The following AGMO variants were observed in gnomAD, a reference collection of about 807,000 sequenced individuals.
AGMO encodes the protein glyceryl-ether monooxygenase.
A neutral mutation model predicts 60.2 loss-of-function variants in AGMO; 75 were observed. That is an observed-to-expected ratio of 1.25 (90% confidence interval 1.03 to 1.51). The LOEUF (loss-of-function observed/expected upper bound fraction) is 1.51, where lower values mean the gene tolerates loss of function less well. Ranked by LOEUF, AGMO falls within the 40% of genes most tolerant of loss-of-function variation. The pLI is 0.00. For missense variants in AGMO, 763 were observed against 525.5 expected, an observed-to-expected ratio of 1.45 and a Z score of -4.42; for synonymous variants, 261 against 177.1, an observed-to-expected ratio of 1.47 and a Z score of -3.76.
intron 3 of AGMO, among the ~76,000 whole-genome samples, chr7:15,437,222 T>C (rs1781426571): frequency 6.6e-6 from 1 of 152,192 alleles, no homozygotes; most frequent in Non-Finnish European, 1.5e-5. Context: ...AGAAGTGTCA[T>C]CAATTTTATC....
Position 15,418,636 on chromosome 7 carries a change from C to A in AGMO, c.531G>T (p.Leu177=). 1 of 1,558,902 alleles carries A rather than the reference C, an allele frequency of 6.4e-7. No individual in the cohort carries two copies. Among genetic ancestry groups the A allele is most frequent in the Non-Finnish European group, 8.6e-7 (1 of 1,159,166 alleles). The change falls in exon 5 of 13, where the codon CTG becomes CTT. Residue 177 remains leucine, a synonymous_variant. Coordinates refer to ENST00000342526, the MANE Select transcript of AGMO (RefSeq NM_001004320.2). ...ATACTGAAGGGGGTATGAAGAGGGC[C>A]AGGGGAGAGTAGAAAATCTGAAAGA... ...IYTSWIFYSP[L]ALFIPPSVYA...
intron 12 of AGMO, among the ~76,000 whole-genome samples, chr7:15,266,407 A>C (rs1783433801): frequency 6.6e-6 from 1 of 151,994 alleles, no homozygotes; most frequent in South Asian, 2.1e-4. Context: ...AAAGCAAAAA[A>C]AAGTAATTTT....
At chr7:15,346,733 CTAAG>C (rs774564050) in intron 12 of AGMO, among the ~76,000 whole-genome samples, 34 of 151,670 alleles carry the variant, frequency 2.2e-4, no homozygotes, top group Non-Finnish European at 3.7e-4. Context: ...CAACTTGACC[CTAAG>C]TAATATATGG....
chr7:15,357,957 G>T (rs1226269203), intron 12 of AGMO, among the ~76,000 whole-genome samples: 1 of 151,914 alleles, frequency 6.6e-6, no homozygotes, highest in Non-Finnish European at 1.5e-5. Flanking sequence ...ACATACCAAA[G>T]AAAAGAAAGG....
chr7:15,190,118 TA>T, the AGMO span, among the ~76,000 whole-genome samples: 1 of 1,448 alleles, frequency 6.9e-4, no homozygotes, highest in Non-Finnish European at 1.4e-3. Flanking sequence ...TATATATATA[TA>T]TATATATTTA....
At chr7:15,378,850 A>T (rs77183733) in intron 10 of AGMO, among the ~76,000 whole-genome samples, 4,048 of 151,574 alleles carry the variant, frequency 0.027, 207 homozygotes, top group African/African-American at 0.095. Flanking sequence ...TCTAAAATCA[A>T]TCACAAAAAT....
chr7:15,463,661 C>T (rs1782204509), intron 3 of AGMO, among the ~76,000 whole-genome samples: 1 of 151,992 alleles, frequency 6.6e-6, no homozygotes, highest in South Asian at 2.1e-4. Flanking sequence ...CAATGTACTG[C>T]TTGAGCCAGT....
At chr7:15,336,470 T>C (rs1033005268) in intron 12 of AGMO, among the ~76,000 whole-genome samples, 1 of 151,984 alleles carries the variant, frequency 6.6e-6, no homozygotes, top group African/African-American at 2.4e-5. Context: ...CCACTTGTTA[T>C]TCTTCATCTT....
chr7:15,513,289 A>G (rs373234984), intron 3 of AGMO, among the ~76,000 whole-genome samples: 2,303 of 44,384 alleles, frequency 0.052, 60 homozygotes, highest in African/African-American at 0.18. Context: ...CTATAGCACA[A>G]CTTTAAACCA....
chr7:15,247,459 C>CAGAGAGAGAGAG (rs35939832), intron 12 of AGMO, among the ~76,000 whole-genome samples: 1,350 of 115,064 alleles, frequency 0.012, 9 homozygotes, highest in Non-Finnish European at 0.017. Context: ...CACACACACA[C>CAGAGAGAGAGAG]AGAGAGAGAG....
intron 12 of AGMO, among the ~76,000 whole-genome samples, chr7:15,235,527 A>G (rs1782391320): frequency 6.6e-6 from 1 of 152,176 alleles, no homozygotes; most frequent in Non-Finnish European, 1.5e-5. Context: ...TGCTGTTCAT[A>G]GACGACTAAC....
intron 12 of AGMO, among the ~76,000 whole-genome samples, chr7:15,296,429 T>C (rs1259653098): frequency 1.3e-5 from 2 of 152,164 alleles, no homozygotes; most frequent in African/African-American, 2.4e-5. Flanking sequence ...TAACAGTTTC[T>C]TCCCTGTGCA....
At chr7:15,354,423 C>CGCGTGTAT in intron 12 of AGMO, among the ~76,000 whole-genome samples, 1 of 27,466 alleles carries the variant, frequency 3.6e-5, no homozygotes, top group South Asian at 2.2e-3. Context: ...TGTGTGTATA[C>CGCGTGTAT]ACACACGTGT....
At chr7:15,161,182 T>A in the AGMO span, among the ~76,000 whole-genome samples, 1 of 152,304 alleles carries the variant, frequency 6.6e-6, no homozygotes, top group African/African-American at 2.4e-5. Flanking sequence ...CAAATGCTTT[T>A]GAGGGACACA....
At chr7:15,401,852 G>A (rs970450057) in intron 5 of AGMO, among the ~76,000 whole-genome samples, 2 of 152,120 alleles carry the variant, frequency 1.3e-5, no homozygotes, top group East Asian at 3.9e-4. Flanking sequence ...CTGGGTTTGG[G>A]TGAAGTGAAA....
chr7:15,242,013 A>G (rs1782606374), intron 12 of AGMO, among the ~76,000 whole-genome samples: 1 of 152,146 alleles, frequency 6.6e-6, no homozygotes, highest in African/African-American at 2.4e-5. Context: ...CACATGGAAT[A>G]CTTCTTAAGC....
chr7:15,447,984 T>A (rs1781748585), intron 3 of AGMO, among the ~76,000 whole-genome samples: 2 of 152,226 alleles, frequency 1.3e-5, no homozygotes, highest in South Asian at 4.1e-4. Context: ...TTCTGATTGA[T>A]ATAAACAAAA....
rs1004550241 is a variant in AGMO at position 15,323,071 on chromosome 7, G to A, written c.1263+42443C>T. Among the ~76,000 whole-genome samples, 10 of 151,540 alleles carry A rather than the reference G, an allele frequency of 6.6e-5. No homozygotes were observed. The East Asian group carries it at 1.9e-3, about 29-fold the overall frequency. On this transcript the variant is annotated intron_variant, in intron 12 of 12. Coordinates refer to ENST00000342526, the MANE Select transcript of AGMO (RefSeq NM_001004320.2). ...GATCATCTTGAGTGACTAAGGGAAA[G>A]AAATTAGACTATCTAATGTTTAAAT...
intron 12 of AGMO, among the ~76,000 whole-genome samples, chr7:15,324,477 T>G (rs1452467699): frequency 6.6e-6 from 1 of 152,258 alleles, no homozygotes; most frequent in East Asian, 1.9e-4. Flanking sequence ...CTTATTTAGA[T>G]GTCCTGAAGT....
Sources: gnomAD v4.1 joint callset for allele counts (sites outside exome capture counted in the v4.1 genomes callset) on GRCh38, gnomAD v4.1.1 for gene constraint, MANE v1.5 for transcripts, NCBI Gene and HGNC (gene_info 2026-07-23, HGNC 2026-07-21) for gene names.